Variants in LYN observed in about 807,000 individuals in gnomAD.
LYN encodes the protein tyrosine-protein kinase Lyn.
A neutral mutation model predicts 65.0 loss-of-function variants in LYN; 12 were observed. The ratio of observed to expected loss-of-function variants is 0.18; its 90% CI spans 0.12 to 0.30. The LOEUF (loss-of-function observed/expected upper bound fraction) is 0.30. Among genes scored for constraint, LYN ranks in the 10% least tolerant of loss-of-function variants. LYN has a pLI of 1.00. For synonymous variants in LYN, 222 were observed against 221.2 expected (o/e 1.00, Z -0.03); for missense variants, 380 against 623.2 (o/e 0.61, Z 4.16).
chr8:55,951,931 G>A, intron 6 of LYN, 35 bp from the exon 7 acceptor site: 1 of 1,584,850 alleles, frequency 6.3e-7, no homozygotes, highest in African/African-American at 1.4e-5. Context: ...TTATTTGTGA[G>A]ATATAAACAT....
chr8:55,988,650 A>G (rs958400517), intron 10 of LYN, among the ~76,000 whole-genome samples: 3 of 152,124 alleles, frequency 2.0e-5, no homozygotes, highest in Non-Finnish European at 4.4e-5. Context: ...ACTTTTTGAC[A>G]GGTTTCTCAT....
At chr8:55,948,864 T>C (rs1806858176) in intron 4 of LYN, among the ~76,000 whole-genome samples, 1 of 152,250 alleles carries the variant, frequency 6.6e-6, no homozygotes, top group South Asian at 2.1e-4. Context: ...GATGTGAGCA[T>C]GATGCATGTG....
chr8:55,890,511 A>G (rs1057483011), intron 1 of LYN, among the ~76,000 whole-genome samples: 1 of 152,218 alleles, frequency 6.6e-6, no homozygotes, highest in Non-Finnish European at 1.5e-5. Flanking sequence ...GCTATGATGG[A>G]AAATCATATG....
chr8:55,961,299 A>C (rs1279938879), intron 8 of LYN, among the ~76,000 whole-genome samples: 1 of 152,202 alleles, frequency 6.6e-6, no homozygotes, highest in East Asian at 1.9e-4. Flanking sequence ...TAGCTCAAAA[A>C]GTTTTTTTTA....
intron 10 of LYN, among the ~76,000 whole-genome samples, chr8:55,997,835 A>G (rs1484591998): frequency 6.6e-6 from 1 of 152,236 alleles, no homozygotes; most frequent in Non-Finnish European, 1.5e-5. Flanking sequence ...CTGTAATCCC[A>G]GCACTTTGGG....
At chr8:55,934,782 C>A (rs1178207989) in intron 1 of LYN, among the ~76,000 whole-genome samples, 1 of 152,190 alleles carries the variant, frequency 6.6e-6, no homozygotes, top group Non-Finnish European at 1.5e-5. Flanking sequence ...TCCCACCTCA[C>A]CCCCCTTTCC....
intron 10 of LYN, among the ~76,000 whole-genome samples, chr8:55,985,775 G>A (rs1477404393): frequency 6.6e-6 from 1 of 152,180 alleles, no homozygotes; most frequent in Admixed American, 6.5e-5. Context: ...AACTGGGTGG[G>A]GCTTGTGGCA....
At chr8:55,951,385 G>C (rs545119080) in intron 6 of LYN, among the ~76,000 whole-genome samples, 2 of 151,950 alleles carry the variant, frequency 1.3e-5, no homozygotes, top group Non-Finnish European at 2.9e-5. Context: ...AGAAAATTAG[G>C]CTGGGCGTGG....
At chr8:55,985,175 ACTT>A (rs149308155) in intron 10 of LYN, among the ~76,000 whole-genome samples, 1,558 of 152,324 alleles carry the variant, frequency 0.01, 30 homozygotes, top group African/African-American at 0.036. Flanking sequence ...GAGGAACTGT[ACTT>A]CTCTCACTGC....
At chr8:55,884,542 A>C (rs576597175) in intron 1 of LYN, among the ~76,000 whole-genome samples, 7 of 152,064 alleles carry the variant, frequency 4.6e-5, no homozygotes, top group Admixed American at 3.3e-4. Flanking sequence ...CTGCACCTCC[A>C]TCTCCTGGAT....
chr8:55,946,888 G>T (rs942492443), intron 3 of LYN, among the ~76,000 whole-genome samples: 3 of 152,158 alleles, frequency 2.0e-5, no homozygotes, highest in Non-Finnish European at 4.4e-5. Context: ...TGTCCTCAAG[G>T]TTCATCCATG....
chr8:55,908,995 A>G (rs1459986811), intron 1 of LYN, among the ~76,000 whole-genome samples: 1 of 16,128 alleles, frequency 6.2e-5, no homozygotes, highest in Admixed American at 5.0e-4. Context: ...GTATGTATAT[A>G]TATATATATA....
intron 1 of LYN, among the ~76,000 whole-genome samples, chr8:55,932,766 A>G (rs1036742289): frequency 6.6e-6 from 1 of 152,220 alleles, no homozygotes; most frequent in Non-Finnish European, 1.5e-5. Context: ...GCATTTATAT[A>G]CCAGGGAATA....
chr8:56,006,495 C>T (rs1434194020), intron 12 of LYN, among the ~76,000 whole-genome samples: 1 of 152,154 alleles, frequency 6.6e-6, no homozygotes, highest in African/African-American at 2.4e-5. Flanking sequence ...CTTTTCTCTA[C>T]TGTACCACAT....
intron 9 of LYN, among the ~76,000 whole-genome samples, chr8:55,967,496 A>G (rs1807495955): frequency 6.6e-6 from 1 of 151,656 alleles, no homozygotes; most frequent in African/African-American, 2.4e-5. Context: ...TTGTATTTTT[A>G]GTAGAGATGG....
intron 10 of LYN, among the ~76,000 whole-genome samples, chr8:55,984,598 T>C (rs72653921): frequency 0.15 from 22,257 of 152,252 alleles, 2,197 homozygotes; most frequent in Middle Eastern, 0.23. Flanking sequence ...CTGCACATGG[T>C]CACTCTGACC....
In LYN at chr8:55,956,013, C is replaced by T. The variant is rs115374032; in HGVS notation, c.790+2029C>T. On this transcript the variant is annotated intron_variant, in intron 8 of 12. Coordinates refer to ENST00000519728, the MANE Select transcript of LYN (RefSeq NM_002350.4). ...ACAAATTATTATGTGGACACATTTTCATTTCTCTTGTGTATAAACCTAGGA... is the reference window on the plus strand; with the variant it reads ...ACAAATTATTATGTGGACACATTTTTATTTCTCTTGTGTATAAACCTAGGA... Among the ~76,000 whole-genome samples the T allele has an allele frequency of 1.9e-3, 284 of 152,126 alleles. 4 individuals carry two copies. The highest frequency in any genetic ancestry group is 6.4e-3 in the African/African-American group (265 of 41,490).
At chr8:56,000,139 G>A (rs1313481575) in intron 12 of LYN, among the ~76,000 whole-genome samples, 1 of 152,160 alleles carries the variant, frequency 6.6e-6, no homozygotes, top group Non-Finnish European at 1.5e-5. Context: ...GTGTCGAGAT[G>A]AGGATGGATA....
Position 55,972,069 on chromosome 8 carries a change from C to T in LYN, c.1050+2276C>T, listed in dbSNP as rs188527191. Among the ~76,000 whole-genome samples the T allele has an allele frequency of 1.1e-4, 17 of 152,270 alleles. No homozygotes were observed. The East Asian group carries it at 2.9e-3, about 26-fold the overall frequency. On this transcript the variant is annotated intron_variant, in intron 10 of 12. Coordinates refer to ENST00000519728, the MANE Select transcript of LYN (RefSeq NM_002350.4). Reference sequence around the variant, plus strand: ...CCAAGCCAGTTTACCAAATCCAGCCCGTGCCAGGTGAACTCATGTTCACAG... The same window carrying T: ...CCAAGCCAGTTTACCAAATCCAGCCTGTGCCAGGTGAACTCATGTTCACAG...
Sources: gnomAD v4.1 joint callset for allele counts (sites outside exome capture counted in the v4.1 genomes callset) on GRCh38, gnomAD v4.1.1 for gene constraint, MANE v1.5 for transcripts, NCBI Gene and HGNC (gene_info 2026-07-23, HGNC 2026-07-21) for gene names.